Variants in RP1L1 observed in about 807,000 individuals in gnomAD.
The protein encoded by RP1L1 is RP1 like 1, also known as retinitis pigmentosa 1-like 1 protein.
RP1L1 carries 27 observed loss-of-function variants against 15.7 expected under a neutral mutation model. That is an observed-to-expected ratio of 1.72 (90% CI 1.27 to 2.38). RP1L1 has a LOEUF of 2.38. Among genes scored for constraint, RP1L1 ranks in the 30% most tolerant of loss-of-function variants. The pLI is 0.00. For synonymous variants in RP1L1, 1,813 were observed against 1,276.7 expected (o/e 1.42, Z -8.96); for missense variants, 4,798 against 3,075.9 (o/e 1.56, Z -13.24).
Position 10,614,585 on chromosome 8 carries a change from C to T in RP1L1, c.752-1239G>A, listed in dbSNP as rs1372890307. Among the ~76,000 whole-genome samples, 9 of 148,608 alleles carry T rather than the reference C, an allele frequency of 6.1e-5. No individual in the cohort carries two copies. In the South Asian group the frequency reaches 1.1e-3, roughly 18 times the overall value. ...CTGAGGCACAAAAATCACTTGAACCCGAGAGGCGGAGGTTGCAGTGAGCCT... is the reference window on the plus strand; with the variant it reads ...CTGAGGCACAAAAATCACTTGAACCTGAGAGGCGGAGGTTGCAGTGAGCCT... On this transcript the variant is annotated intron_variant, in intron 3 of 3. Transcript: ENST00000382483.
At chr8:10,617,610 G>A (rs1797991199) in intron 2 of RP1L1, among the ~76,000 whole-genome samples, 1 of 122,240 alleles carries the variant, frequency 8.2e-6, no homozygotes, top group South Asian at 2.8e-4. Flanking sequence ...AGGCTGGAGT[G>A]CAGTGGCGCG....
chr8:10,651,372 G>GA (rs1468995753), intron 1 of RP1L1, among the ~76,000 whole-genome samples: 1 of 152,164 alleles, frequency 6.6e-6, no homozygotes, highest in Non-Finnish European at 1.5e-5. Context: ...CTGGGGCCTT[G>GA]GTCAAGGACC....
rs1336564112 is a variant in RP1L1, at chr8:10,611,336, C to T, written c.2762G>A (p.Gly921Glu). ...SSASQGAGSR[G>E]LSEEKTLRSG... ...CCTCAAGGTCTTCTCCTCGGACAGC[C>T]CCCGAGACCCCGCACCCTGGCTGGC... The change falls in exon 4 of 4, where the codon GGG (glycine) becomes GAG (glutamate). Residue 921 changes from glycine (G) to glutamate (E), a missense_variant. By Grantham distance (98) the Gly-to-Glu change is moderately conservative (BLOSUM62 -2). Coordinates refer to ENST00000382483, the MANE Select transcript of RP1L1 (RefSeq NM_178857.6). The T allele has an allele frequency of 3.7e-6, 6 of 1,612,372 alleles. No individual in the cohort carries two copies. Among genetic ancestry groups the T allele is most frequent in the Non-Finnish European group, 5.1e-6 (6 of 1,179,936 alleles).
chr8:10,623,107 G>A lies in RP1L1; in HGVS notation c.95C>T (p.Pro32Leu). 2 of 1,613,592 alleles carry A rather than the reference G, an allele frequency of 1.2e-6. No homozygotes were observed. Among genetic ancestry groups the A allele is most frequent in the South Asian group, 1.1e-5 (1 of 91,044 alleles). ...CTTGAGGAAGGTGATCTTCTTGGCT[G>A]GCGTGACCTTGGTGACCGAGGGGGT... ...ARTPSVTKVT[P>L]AKKITFLKRG... is the part of the protein sequence containing the mutation. The change falls in exon 2 of 4, where the codon CCA (proline) becomes CTA (leucine). Residue 32 changes from proline (P) to leucine (L), a missense_variant. Pro to Leu is a moderately conservative substitution (Grantham distance 98). Transcript: ENST00000382483.
intron 1 of RP1L1, among the ~76,000 whole-genome samples, chr8:10,629,811 T>G (rs560738960): frequency 1.3e-5 from 2 of 152,016 alleles, no homozygotes; most frequent in Non-Finnish European, 2.9e-5. Context: ...TGCCTCACAG[T>G]CAGAGGAAGG....
At chr8:10,628,069 G>C (rs530160230) in intron 1 of RP1L1, among the ~76,000 whole-genome samples, 7 of 152,306 alleles carry the variant, frequency 4.6e-5, no homozygotes, top group African/African-American at 1.4e-4. Flanking sequence ...TAATGGATGA[G>C]CAACCCAGCT....
intron 1 of RP1L1, among the ~76,000 whole-genome samples, chr8:10,649,818 C>G (rs890568997): frequency 6.6e-6 from 1 of 152,162 alleles, no homozygotes; most frequent in African/African-American, 2.4e-5. Context: ...CAAGCAATTC[C>G]CTGAAGCCCA....
intron 2 of RP1L1, chr8:10,621,690 T>A (rs1204053365): frequency 2.0e-6 from 1 of 493,168 alleles, no homozygotes; most frequent in Non-Finnish European, 4.1e-6. Context: ...CAGGACTGAA[T>A]CTTGAGGAGA....
chr8:10,650,319 T>C (rs1447995012), intron 1 of RP1L1, among the ~76,000 whole-genome samples: 2 of 152,186 alleles, frequency 1.3e-5, no homozygotes, highest in African/African-American at 4.8e-5. Flanking sequence ...GGAATTTTGT[T>C]TCCCATAGGC....
At chr8:10,631,378 A>ACACACACGCACACACGCAC (rs1798247542) in intron 1 of RP1L1, among the ~76,000 whole-genome samples, 1 of 3,784 alleles carries the variant, frequency 2.6e-4, no homozygotes, top group Non-Finnish European at 7.8e-4. Context: ...CATGCACACA[A>ACACACACGCACACACGCAC]ACACACATGC....
chr8:10,609,879 C>T lies in RP1L1; in HGVS notation c.4219G>A (p.Gly1407Arg), dbSNP rs376954248. Residue 1407 changes from glycine to arginine, a missense_variant, in exon 4 of 4, where the codon GGG (glycine) becomes AGG (arginine). Coordinates refer to ENST00000382483, the MANE Select transcript of RP1L1 (RefSeq NM_178857.6). ...EGLPEEGSVH[G>R]QELSEASSPD... ...GAGCTGGCCTCTGACAATTCCTGCCCGTGGACGCTTCCTTCTTCTGGAAGT... is the reference window on the plus strand; with the variant it reads ...GAGCTGGCCTCTGACAATTCCTGCCTGTGGACGCTTCCTTCTTCTGGAAGT... 30 of 1,613,970 alleles carry T rather than the reference C, an allele frequency of 1.9e-5. No homozygotes were observed. Among genetic ancestry groups the T allele is most frequent in the East Asian group, 6.7e-5 (3 of 44,888 alleles).
chr8:10,623,884 G>A (rs1250627132), intron 1 of RP1L1, among the ~76,000 whole-genome samples: 2 of 150,490 alleles, frequency 1.3e-5, no homozygotes, highest in African/African-American at 4.9e-5. Context: ...GCACCACTAT[G>A]TTCCCAGCAC....
Position 10,610,957 on chromosome 8 carries a change from A to C in RP1L1, c.3141T>G (p.Ala1047=), listed in dbSNP as rs1392869430. Residue 1047 remains alanine, a synonymous_variant, in exon 4 of 4, where the codon GCT becomes GCG. Transcript: ENST00000382483. ...QSGEGVPQGA[A]PEGVSEAPAE... Reference sequence around the variant, plus strand: ...CAGGGGCCTCGGAAACTCCCTCTGGAGCTGCCCCTTGGGGGACACCCTCTC... The same window carrying C: ...CAGGGGCCTCGGAAACTCCCTCTGGCGCTGCCCCTTGGGGGACACCCTCTC... The C allele has an allele frequency of 6.2e-7, 1 of 1,611,932 alleles. No homozygotes were observed. Among genetic ancestry groups the C allele is most frequent in the East Asian group, 2.2e-5 (1 of 44,834 alleles).
intron 1 of RP1L1, among the ~76,000 whole-genome samples, chr8:10,643,299 T>C (rs189268064): frequency 1.5e-3 from 232 of 152,272 alleles, no homozygotes; most frequent in Non-Finnish European, 3.0e-3. Flanking sequence ...ATGATCACAC[T>C]ACTGCACTAC....
Position 10,612,303 on chromosome 8 carries a change from C to T in RP1L1, c.1795G>A (p.Glu599Lys), listed in dbSNP as rs150491290. 3.7e-4 allele frequency: 603 copies of T among 1,613,234 alleles called. 1 individual carries two copies. The African/African-American group carries it at 5.6e-3, about 15-fold the overall frequency. Residue 599 changes from glutamate to lysine, a missense_variant, in exon 4 of 4, where the codon GAG becomes AAG. Physicochemically the swap from Glu to Lys is moderately conservative, Grantham distance 56. Coordinates refer to ENST00000382483, the MANE Select transcript of RP1L1 (RefSeq NM_178857.6). Reference sequence around the variant, plus strand: ...GTCACAGCCGCTCCCGTGGCCTGCTCGGTGCCCTGTCCTTGCGTCTCTGCC... The same window carrying T: ...GTCACAGCCGCTCCCGTGGCCTGCTTGGTGCCCTGTCCTTGCGTCTCTGCC... ...LQAETQGQGT[E>K]QATGAAVTRE...
rs1797703994 is a variant in RP1L1, at chr8:10,606,508, A to G, written c.*387T>C. 4.5e-6 allele frequency: 1 copy of G among 223,444 alleles called. No homozygotes were observed. The highest frequency in any genetic ancestry group is 2.3e-5 in the African/African-American group (1 of 42,882). 13.8% of individuals were successfully genotyped at this position (223,444 alleles called of 1,614,324 possible). ...AAGCCAAGGAGAAAAGTAACAGGAG[A>G]TCAACAGGGAAAAGACAGAGAGCAA... On this transcript the variant is annotated 3_prime_UTR_variant, in exon 4 of 4. Coordinates refer to ENST00000382483, the MANE Select transcript of RP1L1 (RefSeq NM_178857.6).
intron 1 of RP1L1, among the ~76,000 whole-genome samples, chr8:10,648,932 G>A (rs1263015937): frequency 2.0e-5 from 3 of 152,222 alleles, no homozygotes; most frequent in African/African-American, 4.8e-5. Context: ...CAGGAGCTGC[G>A]AGGACGCTTC....
intron 1 of RP1L1, among the ~76,000 whole-genome samples, chr8:10,652,767 CCT>C (rs796141659): frequency 9.8e-5 from 15 of 152,332 alleles, no homozygotes; most frequent in African/African-American, 3.6e-4. Flanking sequence ...CCACGTCCCC[CCT>C]GATTCCCTAT....
chr8:10,622,073 G>C (rs1798068366), intron 2 of RP1L1, among the ~76,000 whole-genome samples: 1 of 152,154 alleles, frequency 6.6e-6, no homozygotes, highest in Non-Finnish European at 1.5e-5. Context: ...TGTAATCCCA[G>C]CACTTTGGGA....
Sources: gnomAD v4.1 joint callset for allele counts (sites outside exome capture counted in the v4.1 genomes callset) on GRCh38, gnomAD v4.1.1 for gene constraint, MANE v1.5 for transcripts, NCBI Gene and HGNC (gene_info 2026-07-23, HGNC 2026-07-21) for gene names.